MCPH1: variants seen among roughly 807,000 people sequenced by gnomAD.
MCPH1 encodes microcephalin.
In MCPH1, 104 loss-of-function variants were observed where a neutral mutation model predicts 84.5. That is an observed-to-expected ratio of 1.23 (90% confidence interval 1.05 to 1.45). MCPH1 has a LOEUF of 1.45. MCPH1 is among the 40% of genes most tolerant of loss of function. The pLI is 0.00. For missense variants in MCPH1, 1,498 were observed against 1,005.7 expected (o/e 1.49, Z -6.62); for synonymous variants, 514 against 366.8 (o/e 1.40, Z -4.58).
At chr8:6,450,939 C>G (rs1433461106) in intron 8 of MCPH1, among the ~76,000 whole-genome samples, 1 of 152,130 alleles carries the variant, frequency 6.6e-6, no homozygotes, top group Non-Finnish European at 1.5e-5. Context: ...AACTTCTGAG[C>G]TCATGCAATC....
intron 2 of MCPH1, among the ~76,000 whole-genome samples, chr8:6,413,812 T>C (rs1209137251): frequency 3.3e-5 from 5 of 151,624 alleles, no homozygotes; most frequent in Admixed American, 2.6e-4. Context: ...TGGAGTGCAA[T>C]GGCACAATCT....
chr8:6,568,526 G>A (rs982978856), intron 12 of MCPH1, among the ~76,000 whole-genome samples: 2 of 152,218 alleles, frequency 1.3e-5, no homozygotes, highest in African/African-American at 4.8e-5. Context: ...CAGATCAAGG[G>A]ATGGAAATGG....
At chr8:6,590,549 G>A (rs997333122) in intron 12 of MCPH1, among the ~76,000 whole-genome samples, 1 of 152,202 alleles carries the variant, frequency 6.6e-6, no homozygotes, top group Non-Finnish European at 1.5e-5. Context: ...TTGACCAGAG[G>A]CCTAATCTGG....
At chr8:6,561,836 C>T (rs780290669) in intron 12 of MCPH1, among the ~76,000 whole-genome samples, 2 of 151,734 alleles carry the variant, frequency 1.3e-5, no homozygotes, top group Non-Finnish European at 2.9e-5. Context: ...ATTTTGGTTA[C>T]GTCTCCATAA....
chr8:6,422,535 A>C (rs541099300), intron 3 of MCPH1, among the ~76,000 whole-genome samples: 5 of 152,266 alleles, frequency 3.3e-5, no homozygotes, highest in African/African-American at 1.2e-4. Flanking sequence ...GCTGAGAGTT[A>C]GGGATTCTTA....
At chr8:6,642,908 T>C (rs1798026984) in intron 13 of MCPH1, 86 bp from the exon 14 acceptor site, 3 of 1,239,108 alleles carry the variant, frequency 2.4e-6, no homozygotes. Flanking sequence ...TTTTTAAATA[T>C]AGTTTCATGT....
intron 12 of MCPH1, among the ~76,000 whole-genome samples, chr8:6,601,290 T>G (rs896119303): frequency 4.6e-5 from 7 of 152,172 alleles, no homozygotes; most frequent in African/African-American, 7.2e-5. Flanking sequence ...CTTCCCAGTT[T>G]CTAGTCATTT....
chr8:6,465,924 G>GATCGATCC (rs1806841749), intron 9 of MCPH1, among the ~76,000 whole-genome samples: 1 of 148,246 alleles, frequency 6.7e-6, no homozygotes, highest in African/African-American at 2.5e-5. Flanking sequence ...TTTATCTATC[G>GATCGATCC]ATCCATCCAT....
chr8:6,493,314 T>G (rs1460631009), intron 11 of MCPH1, among the ~76,000 whole-genome samples: 4 of 152,164 alleles, frequency 2.6e-5, no homozygotes, highest in South Asian at 2.1e-4. Flanking sequence ...TTAGGTAGAA[T>G]GCAAGGAGAA....
intron 9 of MCPH1, chr8:6,474,127 G>A: frequency 1.3e-6 from 1 of 762,990 alleles, no homozygotes; most frequent in Non-Finnish European, 2.4e-6. Flanking sequence ...CACAACCGTG[G>A]TAATCAACAA....
intron 12 of MCPH1, among the ~76,000 whole-genome samples, chr8:6,591,059 C>T (rs936604955): frequency 2.6e-5 from 4 of 152,178 alleles, no homozygotes; most frequent in African/African-American, 4.8e-5. Context: ...CCACCACACC[C>T]GGTTAATTGT....
chr8:6,438,504 CTT>C (rs1286865543), intron 5 of MCPH1, among the ~76,000 whole-genome samples: 1 of 152,174 alleles, frequency 6.6e-6, no homozygotes. Flanking sequence ...GCTGATCCCA[CTT>C]CATGCAGTCA....
At chr8:6,523,956 C>G (rs1399483040) in intron 12 of MCPH1, among the ~76,000 whole-genome samples, 1 of 151,160 alleles carries the variant, frequency 6.6e-6, no homozygotes. Flanking sequence ...TTATTCAGCA[C>G]CTAAAGAGGC....
chr8:6,541,033 C>T (rs549194027), intron 12 of MCPH1, among the ~76,000 whole-genome samples: 2 of 59,848 alleles, frequency 3.3e-5, no homozygotes, highest in Non-Finnish European at 4.8e-5. Context: ...GCGAGAGTGC[C>T]GAGGAGGCTC....
intron 12 of MCPH1, among the ~76,000 whole-genome samples, chr8:6,541,825 G>A (rs1305398705): frequency 1.3e-5 from 2 of 152,054 alleles, no homozygotes; most frequent in Non-Finnish European, 2.9e-5. Context: ...GCAACATGGC[G>A]AGACTCCATC....
intron 13 of MCPH1, among the ~76,000 whole-genome samples, chr8:6,638,175 C>G (rs1638696210): frequency 6.6e-6 from 1 of 152,004 alleles, no homozygotes; most frequent in Non-Finnish European, 1.5e-5. Context: ...ATATTTGTAA[C>G]CTGCTGGGCT....
rs577485659 is a variant in MCPH1 at position 6,496,083 on chromosome 8, C to G, written c.2137-3769C>G. Among the ~76,000 whole-genome samples the G allele has an allele frequency of 3.3e-5, 5 of 152,236 alleles. No individual in the cohort carries two copies. In the East Asian group the frequency reaches 9.6e-4, roughly 29 times the overall value. ...GTACACTTTATTTCTATTATTATTA[C>G]ATTGTAATATATAATGAAGTAATTA... On this transcript the variant is annotated intron_variant, in intron 11 of 13. Transcript: ENST00000344683.
rs1167703406 is a variant in MCPH1, at chr8:6,596,805, C to T, written c.2215-24649C>T. On this transcript the variant is annotated intron_variant, in intron 12 of 13. Coordinates refer to ENST00000344683, the MANE Select transcript of MCPH1 (RefSeq NM_024596.5). ...TCTTTTCTGCTGAAATTGATAGCCT[C>T]CTAAAATGCTAAGACACATGCAGCG... 3.3e-5 allele frequency among the ~76,000 whole-genome samples: 5 copies of T among 152,166 alleles called. No individual in the cohort carries two copies. In the South Asian group the frequency reaches 8.3e-4, roughly 25 times the overall value.
At chr8:6,640,406 ATTAG>A (rs752681420) in intron 13 of MCPH1, among the ~76,000 whole-genome samples, 1 of 152,128 alleles carries the variant, frequency 6.6e-6, no homozygotes, top group Non-Finnish European at 1.5e-5. Flanking sequence ...GGGTGATCCG[ATTAG>A]TTAAAAAAAT....
Sources: allele counts gnomAD v4.1 joint callset (sites outside exome capture counted in the v4.1 genomes callset), GRCh38; gene constraint gnomAD v4.1.1; transcripts MANE v1.5; gene names NCBI Gene and HGNC (gene_info 2026-07-23, HGNC 2026-07-21).